Variants in MCUB observed in about 807,000 individuals in gnomAD.
The protein encoded by MCUB is calcium uniporter regulatory subunit MCUb, mitochondrial.
A neutral mutation model predicts 41.4 loss-of-function variants in MCUB; 46 were observed. The ratio of observed to expected loss-of-function variants is 1.11; its 90% confidence interval spans 0.88 to 1.42. The LOEUF (loss-of-function observed/expected upper bound fraction) is 1.42, where lower values mean the gene tolerates loss of function less well. MCUB is among the 40% of genes most tolerant of loss of function. The pLI is 0.00. For missense variants in MCUB, 403 were observed against 404.9 expected, an observed-to-expected ratio of 1.00 and a Z score of 0.04; for synonymous variants, 148 against 148.2, an observed-to-expected ratio of 1.00 and a Z score of 0.01.
chr4:109,649,629 C>G (rs780885329), intron 1 of MCUB, among the ~76,000 whole-genome samples: 7 of 151,998 alleles, frequency 4.6e-5, no homozygotes, highest in Non-Finnish European at 8.8e-5. Context: ...TGTAGGCAAT[C>G]TCTTTTTTTT....
In MCUB at chr4:109,648,953, C is replaced by T. The variant is rs116006657; in HGVS notation, c.100-10058C>T. On this transcript the variant is annotated intron_variant, in intron 1 of 7. Coordinates refer to ENST00000394650, the MANE Select transcript of MCUB (RefSeq NM_017918.5). ...TACAAAAGTACGCTATATTAAGTGA[C>T]ACGGAAAACAACATTTAAAATGATG... Among the ~76,000 whole-genome samples the T allele has an allele frequency of 4.6e-3, 688 of 150,016 alleles. 7 individuals carry two copies. Among genetic ancestry groups the T allele is most frequent in the African/African-American group, 0.016 (641 of 40,444 alleles).
intron 1 of MCUB, among the ~76,000 whole-genome samples, chr4:109,640,049 G>A (rs777757601): frequency 1.4e-4 from 22 of 152,216 alleles, no homozygotes; most frequent in East Asian, 3.8e-4. Flanking sequence ...TGAGATTATC[G>A]TTAGTTCTTA....
chr4:109,603,684 G>A (rs1246377624), intron 1 of MCUB, among the ~76,000 whole-genome samples: 6 of 151,430 alleles, frequency 4.0e-5, no homozygotes, highest in Admixed American at 3.9e-4. Flanking sequence ...CACCCCGTCT[G>A]GGAACTGAGG....
chr4:109,628,960 G>A (rs187701979), intron 1 of MCUB, among the ~76,000 whole-genome samples: 8 of 152,290 alleles, frequency 5.3e-5, no homozygotes, highest in Admixed American at 2.0e-4. Context: ...GGCCAAAGGT[G>A]TAGAAGCCAC....
At chr4:109,573,616 A>C (rs993070578) in intron 1 of MCUB, among the ~76,000 whole-genome samples, 6 of 152,178 alleles carry the variant, frequency 3.9e-5, no homozygotes, top group Admixed American at 6.5e-5. Flanking sequence ...CCACTCATGA[A>C]TGATGGATTC....
At chr4:109,571,513 A>G (rs192508052) in intron 1 of MCUB, among the ~76,000 whole-genome samples, 41 of 152,256 alleles carry the variant, frequency 2.7e-4, no homozygotes, top group African/African-American at 9.6e-4. Flanking sequence ...GGGTTTCACC[A>G]TATTGGTCGC....
At chr4:109,609,042 G>A (rs914363884) in intron 1 of MCUB, among the ~76,000 whole-genome samples, 2 of 148,298 alleles carry the variant, frequency 1.3e-5, no homozygotes, top group Admixed American at 6.8e-5. Context: ...GTTATCTTCT[G>A]TTGCTTTCTC....
intron 5 of MCUB, 193 bp downstream of exon 5, chr4:109,682,935 G>A (rs1729753258): frequency 7.9e-6 from 4 of 506,396 alleles, no homozygotes; most frequent in South Asian, 2.4e-5. Flanking sequence ...GAGCTGTATC[G>A]CTAATACATG....
intron 1 of MCUB, among the ~76,000 whole-genome samples, chr4:109,605,932 T>C (rs1013744483): frequency 1.3e-5 from 2 of 151,224 alleles, no homozygotes; most frequent in African/African-American, 4.9e-5. Context: ...ATGTTTCTTG[T>C]AGGCAGTAGA....
At chr4:109,684,155 TG>T (rs1391922387) in intron 5 of MCUB, among the ~76,000 whole-genome samples, 2 of 151,306 alleles carry the variant, frequency 1.3e-5, no homozygotes, top group African/African-American at 4.9e-5. Flanking sequence ...CTCCACCTCC[TG>T]GGTTCACGCC....
At chr4:109,651,972 G>A (rs767080524) in intron 1 of MCUB, among the ~76,000 whole-genome samples, 1 of 152,070 alleles carries the variant, frequency 6.6e-6, no homozygotes, top group Non-Finnish European at 1.5e-5. Flanking sequence ...AACCTTCCTC[G>A]CCACCCTTCT....
At chr4:109,616,928 AT>A (rs1728138480) in intron 1 of MCUB, among the ~76,000 whole-genome samples, 2 of 152,068 alleles carry the variant, frequency 1.3e-5, no homozygotes, top group Admixed American at 1.3e-4. Context: ...ATGGGCTTTA[AT>A]TTTAGTTTTT....
chr4:109,651,762 A>G (rs1728966406), intron 1 of MCUB, among the ~76,000 whole-genome samples: 1 of 152,044 alleles, frequency 6.6e-6, no homozygotes, highest in South Asian at 2.1e-4. Flanking sequence ...GATAAATCTG[A>G]CTTCCATTAT....
chr4:109,617,782 A>AT (rs1303884663), intron 1 of MCUB, among the ~76,000 whole-genome samples: 4 of 152,184 alleles, frequency 2.6e-5, no homozygotes, highest in Non-Finnish European at 5.9e-5. Flanking sequence ...ATAAAATCTA[A>AT]TTAGGTATTT....
chr4:109,562,388 T>C (rs951052169), intron 1 of MCUB, among the ~76,000 whole-genome samples: 2 of 152,238 alleles, frequency 1.3e-5, no homozygotes, highest in Non-Finnish European at 1.5e-5. Flanking sequence ...GAAGTGGAAA[T>C]GCTGTTCTTT....
intron 1 of MCUB, among the ~76,000 whole-genome samples, chr4:109,587,474 C>T (rs1727336646): frequency 6.6e-6 from 1 of 152,202 alleles, no homozygotes; most frequent in Non-Finnish European, 1.5e-5. Context: ...ACCCACTGTC[C>T]AACCAGTCCC....
intron 1 of MCUB, among the ~76,000 whole-genome samples, chr4:109,654,977 G>A (rs2126143351): frequency 6.6e-6 from 1 of 152,186 alleles, no homozygotes. Context: ...AGTGCCACAA[G>A]ACTGTCCCAC....
intron 1 of MCUB, among the ~76,000 whole-genome samples, chr4:109,640,003 A>T (rs774437514): frequency 6.6e-6 from 1 of 152,114 alleles, no homozygotes; most frequent in Non-Finnish European, 1.5e-5. Context: ...TGTTTATTTC[A>T]CCTGGGTGCA....
At chr4:109,562,906 G>A (rs964023730) in intron 1 of MCUB, among the ~76,000 whole-genome samples, 12 of 152,184 alleles carry the variant, frequency 7.9e-5, no homozygotes, top group Non-Finnish European at 1.3e-4. Flanking sequence ...TGTTGACATG[G>A]ATATACAGAA....
Sources: allele counts gnomAD v4.1 joint callset (sites outside exome capture counted in the v4.1 genomes callset), GRCh38; gene constraint gnomAD v4.1.1; transcripts MANE v1.5; gene names NCBI Gene and HGNC (gene_info 2026-07-23, HGNC 2026-07-21).